The following MPP3 variants were observed in gnomAD, a reference collection of about 807,000 sequenced individuals.
The protein encoded by MPP3 is MAGUK p55 scaffold protein 3, also known as MAGUK p55 subfamily member 3.
MPP3 carries 48 observed loss-of-function variants against 80.7 expected under a neutral mutation model. The ratio of observed to expected loss-of-function variants is 0.59; its 90% confidence interval spans 0.47 to 0.76. The LOEUF is 0.76. Among genes scored for constraint, MPP3 ranks in the 30% least tolerant of loss-of-function variants. The pLI is 0.00. For missense variants in MPP3, 620 were observed against 763.0 expected (o/e 0.81, Z 2.21); for synonymous variants, 311 against 297.6 (o/e 1.04, Z -0.46).
At chr17:43,828,234 T>G (rs921446107) in intron 7 of MPP3, among the ~76,000 whole-genome samples, 34 of 152,320 alleles carry the variant, frequency 2.2e-4, no homozygotes, top group African/African-American at 7.9e-4. Context: ...ATTCTCACCC[T>G]GCCTCTACCC....
chr17:43,806,013 G>GC (rs2044597615), intron 19 of MPP3, among the ~76,000 whole-genome samples: 6 of 152,182 alleles, frequency 3.9e-5, no homozygotes, highest in Admixed American at 3.9e-4. Context: ...TTAGTCATGA[G>GC]CCCACTATTC....
In MPP3 at chr17:43,827,752, G is replaced by A. The variant is rs201607100; in HGVS notation, c.522C>T (p.Ser174=). ...RIMRGGAADR[S]GLVHVGDELR... ...CAGCTTTGCACTGCCGCCACTCACC[G>A]CTCCTGTCTGCTGCGCCTCCTCGCA... Residue 174 remains serine, a splice_region_variant and synonymous_variant, in exon 8 of 20, where the codon AGC becomes AGT. Transcript: ENST00000398389. 6.6e-5 allele frequency: 107 copies of A among 1,610,654 alleles called. No individual in the cohort carries two copies. The highest frequency in any genetic ancestry group is 1.5e-4 in the African/African-American group (11 of 74,914).
chr17:43,832,097 A>G, intron 2 of MPP3, 154 bp from the exon 3 acceptor site: 1 of 652,840 alleles, frequency 1.5e-6, no homozygotes, highest in East Asian at 2.8e-5. Flanking sequence ...GAGGAAGGAA[A>G]TAAAGCTAAG....
At chr17:43,820,422 T>C (rs2045376464) in intron 11 of MPP3, among the ~76,000 whole-genome samples, 1 of 151,760 alleles carries the variant, frequency 6.6e-6, no homozygotes, top group Non-Finnish European at 1.5e-5. Flanking sequence ...CCAAACCCTG[T>C]CTCTACTAAA....
At chr17:43,816,631 G>A (rs923628572) in intron 13 of MPP3, 46 bp downstream of exon 13, 19 of 1,547,988 alleles carry the variant, frequency 1.2e-5, no homozygotes, top group East Asian at 2.4e-5. Flanking sequence ...GACGTTCCAC[G>A]GAAAAGGGGC....
chr17:43,820,576 G>A (rs1341539932), intron 11 of MPP3, among the ~76,000 whole-genome samples: 4 of 129,496 alleles, frequency 3.1e-5, no homozygotes, highest in Admixed American at 3.0e-4. Context: ...GGGTGACAGA[G>A]GGAGACTCTG....
Position 43,830,020 on chromosome 17 carries a change from T to C in MPP3, c.303+7A>G. 5 of 1,605,390 alleles carry C rather than the reference T, an allele frequency of 3.1e-6. No homozygotes were observed. The highest frequency in any genetic ancestry group is 3.4e-6 in the Non-Finnish European group (4 of 1,177,122). ...GGCATGGCTGGGCAGGGGCTCTGTG[T>C]GACTACCCTCAGGTGCGGGGTGGAC... On this transcript the variant is annotated splice_region_variant and intron_variant, in intron 6 of 19. Transcript: ENST00000398389.
intron 7 of MPP3, among the ~76,000 whole-genome samples, chr17:43,828,452 T>TG (rs1292891407): frequency 6.6e-6 from 1 of 152,230 alleles, no homozygotes; most frequent in Admixed American, 6.5e-5. Context: ...GCTCTAGGGC[T>TG]GGACAGCCTT....
At chr17:43,814,138 C>T (rs1285389941) in intron 15 of MPP3, 47 bp from the exon 16 acceptor site, 1 of 1,605,084 alleles carries the variant, frequency 6.2e-7, no homozygotes, top group African/African-American at 1.3e-5. Flanking sequence ...TGAGCTCCCT[C>T]CCCACCTGCT....
chr17:43,819,405 A>G (rs1417529109), intron 11 of MPP3, among the ~76,000 whole-genome samples: 2 of 152,278 alleles, frequency 1.3e-5, no homozygotes. Flanking sequence ...AGAATTGGGA[A>G]CAACCTAATC....
intron 14 of MPP3, among the ~76,000 whole-genome samples, chr17:43,815,151 G>A (rs1028867052): frequency 3.9e-5 from 6 of 152,124 alleles, no homozygotes; most frequent in Admixed American, 1.3e-4. Flanking sequence ...GGGCAACATG[G>A]TGAAACCCTG....
chr17:43,817,231 G>T (rs1157026174), intron 12 of MPP3, among the ~76,000 whole-genome samples: 3 of 152,160 alleles, frequency 2.0e-5, no homozygotes, highest in Non-Finnish European at 1.5e-5. Context: ...CTTCCTCTCT[G>T]CACGGGGCCC....
intron 12 of MPP3, 111 bp downstream of exon 12, chr17:43,817,935 C>T: frequency 1.3e-6 from 1 of 789,726 alleles, no homozygotes; most frequent in East Asian, 4.1e-5. Context: ...TGAGCTCAGA[C>T]AAGACCCCTG....
In MPP3 at chr17:43,830,113, G is replaced by C; in HGVS notation, c.223-6C>G. ...GCCTGCAACTCCTCCATCACCTGCA[G>C]AGAATGAGACAGGCGCCACTGATGG... On this transcript the variant is annotated splice_polypyrimidine_tract_variant and splice_region_variant and intron_variant, in intron 5 of 19. Coordinates refer to ENST00000398389, the MANE Select transcript of MPP3 (RefSeq NM_001932.6). 1 of 1,533,274 alleles carries C rather than the reference G, an allele frequency of 6.5e-7. No homozygotes were observed. The highest frequency in any genetic ancestry group is 8.8e-7 in the Non-Finnish European group (1 of 1,141,016). 95.0% of individuals were successfully genotyped at this position (1,533,274 alleles called of 1,614,324 possible).
chr17:43,819,935 GT>G (rs1004913188), intron 11 of MPP3, among the ~76,000 whole-genome samples: 1 of 151,796 alleles, frequency 6.6e-6, no homozygotes, highest in African/African-American at 2.4e-5. Flanking sequence ...GTTTTTTTCT[GT>G]TTTTTTGTTT....
intron 16 of MPP3, among the ~76,000 whole-genome samples, chr17:43,812,054 G>A (rs1281479097): frequency 6.6e-6 from 1 of 152,196 alleles, no homozygotes; most frequent in Non-Finnish European, 1.5e-5. Context: ...AGAAAAAGGA[G>A]ACAGGAAGAC....
chr17:43,804,370 A>G (rs1329824985), intron 19 of MPP3, among the ~76,000 whole-genome samples: 1 of 152,216 alleles, frequency 6.6e-6, no homozygotes, highest in Non-Finnish European at 1.5e-5. Flanking sequence ...AATGGGACTG[A>G]GACTCCAGAA....
chr17:43,818,654 G>A (rs1396268926), intron 11 of MPP3, among the ~76,000 whole-genome samples: 4 of 152,144 alleles, frequency 2.6e-5, no homozygotes, highest in Admixed American at 2.6e-4. Flanking sequence ...GCCGGGCGTG[G>A]TGGCTCACAC....
chr17:43,804,046 G>A (rs1311985824), intron 19 of MPP3, among the ~76,000 whole-genome samples: 1 of 152,158 alleles, frequency 6.6e-6, no homozygotes, highest in Non-Finnish European at 1.5e-5. Context: ...CTAGAAAGCT[G>A]GCACTGCCTG....
Sources: allele counts gnomAD v4.1 joint callset (sites outside exome capture counted in the v4.1 genomes callset), GRCh38; gene constraint gnomAD v4.1.1; transcripts MANE v1.5; gene names NCBI Gene and HGNC (gene_info 2026-07-23, HGNC 2026-07-21).